Variants in MYO5A observed in about 807,000 individuals in gnomAD.
MYO5A encodes unconventional myosin-Va.
MYO5A carries 98 observed loss-of-function variants against 249.7 expected under a neutral mutation model. The observed-to-expected ratio is 0.39, with a 90% CI of 0.33 to 0.46. The LOEUF (loss-of-function observed/expected upper bound fraction) is 0.46, where lower values mean the gene tolerates loss of function less well. Among genes scored for constraint, MYO5A ranks in the 20% least tolerant of loss-of-function variants. The pLI, the probability that MYO5A is intolerant of heterozygous loss-of-function variation, is 0.98. For missense variants in MYO5A, 1,696 were observed against 2,308.8 expected, an observed-to-expected ratio of 0.73 and a Z score of 5.44; for synonymous variants, 778 against 810.6, an observed-to-expected ratio of 0.96 and a Z score of 0.68.
chr15:52,459,702 G>T (rs2076199103), intron 1 of MYO5A, among the ~76,000 whole-genome samples: 1 of 152,152 alleles, frequency 6.6e-6, no homozygotes, highest in Non-Finnish European at 1.5e-5. Context: ...CAGACGGGGT[G>T]GCTGCCGGGC....
intron 1 of MYO5A, among the ~76,000 whole-genome samples, chr15:52,509,160 C>T (rs775334482): frequency 5.9e-5 from 9 of 152,166 alleles, no homozygotes; most frequent in East Asian, 1.9e-4. Flanking sequence ...TTTGTAGAGA[C>T]GGAGTCTCAC....
At chr15:52,428,831 G>C (rs2075454180) in intron 2 of MYO5A, among the ~76,000 whole-genome samples, 1 of 152,168 alleles carries the variant, frequency 6.6e-6, no homozygotes, top group Non-Finnish European at 1.5e-5. Flanking sequence ...CCCACGTACT[G>C]AATCAGAAGT....
chr15:52,446,881 G>T (rs2075902826), intron 1 of MYO5A, among the ~76,000 whole-genome samples: 1 of 152,138 alleles, frequency 6.6e-6, no homozygotes. Flanking sequence ...CTCCCTTTTG[G>T]AATGGGAGAA....
At chr15:52,397,106 C>T (rs1348069021) in intron 10 of MYO5A, 95 bp downstream of exon 10, 2 of 1,440,082 alleles carry the variant, frequency 1.4e-6, no homozygotes, top group African/African-American at 2.8e-5. Context: ...CTTCTCTTTA[C>T]CAGTAGGAAA....
intron 28 of MYO5A, among the ~76,000 whole-genome samples, chr15:52,350,204 T>A (rs1342941164): frequency 1.3e-5 from 2 of 152,200 alleles, no homozygotes; most frequent in Non-Finnish European, 2.9e-5. Context: ...AGTGTTGAGA[T>A]TACAGGCGTG....
intron 1 of MYO5A, among the ~76,000 whole-genome samples, chr15:52,489,580 C>T (rs888222358): frequency 6.7e-6 from 1 of 148,334 alleles, no homozygotes; most frequent in Non-Finnish European, 1.5e-5. Context: ...AAAAAAAAAC[C>T]AACCTCTGTG....
intron 1 of MYO5A, among the ~76,000 whole-genome samples, chr15:52,445,927 A>G (rs1454496777): frequency 6.6e-6 from 1 of 152,238 alleles, no homozygotes; most frequent in African/African-American, 2.4e-5. Context: ...AAGCGACTTA[A>G]AGTTGGAATA....
intron 1 of MYO5A, among the ~76,000 whole-genome samples, chr15:52,520,625 G>C (rs771518878): frequency 6.6e-6 from 1 of 152,158 alleles, no homozygotes; most frequent in Non-Finnish European, 1.5e-5. Context: ...CTTTGGCTTT[G>C]AGTTTGGGTT....
intron 34 of MYO5A, chr15:52,331,764 GCA>G: frequency 1.0e-6 from 1 of 985,426 alleles, no homozygotes; most frequent in Non-Finnish European, 1.2e-6. Context: ...TGCTGCAGCA[GCA>G]CACACTGGGA....
chr15:52,460,858 T>TATCATAAAATATATATG (rs2076235065), intron 1 of MYO5A, among the ~76,000 whole-genome samples: 1 of 152,120 alleles, frequency 6.6e-6, no homozygotes, highest in Admixed American at 6.5e-5. Context: ...AATAAAATAA[T>TATCATAAAATATATATG]ATCATAAAAT....
rs1266173488 is a variant in MYO5A, at chr15:52,312,335, T to C, written c.*1361A>G. 6.6e-6 allele frequency: 1 copy of C among 152,208 alleles called. No individual in the cohort carries two copies. The highest frequency in any genetic ancestry group is 1.5e-5 in the Non-Finnish European group (1 of 68,026). The allele number at this position is 152,208 out of a possible 1,614,324, so 9.4% of individuals were successfully genotyped here. Reference sequence around the variant, plus strand: ...AGTTTCAAGACCTGAATCGTGAATATTCTGACAATCCTCTCTAGATAGTGA... The same window carrying C: ...AGTTTCAAGACCTGAATCGTGAATACTCTGACAATCCTCTCTAGATAGTGA... On this transcript the variant is annotated 3_prime_UTR_variant, in exon 42 of 42. Transcript: ENST00000399233.
At chr15:52,370,062 G>A in intron 22 of MYO5A, 107 bp downstream of exon 22, 1 of 1,422,412 alleles carries the variant, frequency 7.0e-7, no homozygotes. Flanking sequence ...ACTAAAATTT[G>A]TACTGCATTT....
At chr15:52,464,283 A>G (rs908847280) in intron 1 of MYO5A, among the ~76,000 whole-genome samples, 1 of 152,058 alleles carries the variant, frequency 6.6e-6, no homozygotes, top group Non-Finnish European at 1.5e-5. Context: ...TTTAACAGCA[A>G]CTCACTGGGG....
chr15:52,335,292 T>C (rs1024076044), intron 34 of MYO5A, among the ~76,000 whole-genome samples: 2 of 152,078 alleles, frequency 1.3e-5, no homozygotes, highest in African/African-American at 4.8e-5. Context: ...CTGAGGCAGA[T>C]GGATCACGAG....
At chr15:52,407,990 G>C (rs977214499) in intron 7 of MYO5A, 69 bp downstream of exon 7, 1 of 1,053,142 alleles carries the variant, frequency 9.5e-7, no homozygotes, top group African/African-American at 1.6e-5. Context: ...TTTTTAACAA[G>C]TAAATTTAGG....
chr15:52,353,666 A>G lies in MYO5A; in HGVS notation c.3568-8T>C, dbSNP rs567075811. 29 of 1,612,018 alleles carry G rather than the reference A, an allele frequency of 1.8e-5. No individual in the cohort carries two copies. In the South Asian group the frequency reaches 2.5e-4, roughly 14 times the overall value. ...TTGTGGTCTTTCTTCTTCCTAGGGAAAAGTTAAAGTTTTATATTTTAATTG... is the reference window on the plus strand; with the variant it reads ...TTGTGGTCTTTCTTCTTCCTAGGGAGAAGTTAAAGTTTTATATTTTAATTG... On this transcript the variant is annotated splice_region_variant and splice_polypyrimidine_tract_variant and intron_variant, in intron 26 of 41. Coordinates refer to ENST00000399233, the MANE Select transcript of MYO5A (RefSeq NM_001382347.1).
chr15:52,513,746 C>T (rs2077443277), intron 1 of MYO5A, among the ~76,000 whole-genome samples: 1 of 152,128 alleles, frequency 6.6e-6, no homozygotes, highest in Non-Finnish European at 1.5e-5. Context: ...TAAGTTAATT[C>T]TATAGCCAAT....
chr15:52,342,918 A>C (rs921349178), intron 31 of MYO5A, among the ~76,000 whole-genome samples, 199 bp downstream of exon 31: 2 of 152,042 alleles, frequency 1.3e-5, no homozygotes. Flanking sequence ...TCCGTCTAAA[A>C]AAGAAAAAAA....
chr15:52,483,989 T>C (rs1290392603), intron 1 of MYO5A, among the ~76,000 whole-genome samples: 4 of 152,178 alleles, frequency 2.6e-5, no homozygotes, highest in African/African-American at 9.6e-5. Context: ...TAGCTGGGGC[T>C]CTAGAAGTAT....
Sources: gnomAD v4.1 joint callset for allele counts (sites outside exome capture counted in the v4.1 genomes callset) on GRCh38, gnomAD v4.1.1 for gene constraint, MANE v1.5 for transcripts, NCBI Gene and HGNC (gene_info 2026-07-23, HGNC 2026-07-21) for gene names.